MCPH1: variants seen among roughly 807,000 people sequenced by gnomAD.
MCPH1 encodes microcephalin 1, also known as microcephalin.
In MCPH1, 104 loss-of-function variants were observed where a neutral mutation model predicts 84.5. The observed-to-expected ratio is 1.23, with a 90% CI of 1.05 to 1.45. The LOEUF (loss-of-function observed/expected upper bound fraction) is 1.45, where lower values mean the gene tolerates loss of function less well. Ranked by LOEUF, MCPH1 falls within the 40% of genes most tolerant of loss-of-function variation. The probability of loss-of-function intolerance (pLI) is 0.00; values close to 1 mark genes in which losing one functional copy is unlikely to be tolerated. For synonymous variants in MCPH1, 514 were observed against 366.8 expected, an observed-to-expected ratio of 1.40 and a Z score of -4.58; for missense variants, 1,498 against 1,005.7, an observed-to-expected ratio of 1.49 and a Z score of -6.62.
intron 9 of MCPH1, among the ~76,000 whole-genome samples, chr8:6,461,160 G>C (rs770195492): frequency 4.0e-5 from 6 of 151,814 alleles, no homozygotes; most frequent in Non-Finnish European, 8.8e-5. Context: ...AAAAAACCAT[G>C]ATTCCATGAA....
intron 12 of MCPH1, among the ~76,000 whole-genome samples, chr8:6,520,183 ATACT>A (rs929443659): frequency 2.0e-4 from 31 of 152,258 alleles, no homozygotes; most frequent in African/African-American, 7.5e-4. Context: ...CAAAAGATTA[ATACT>A]TACTTTTTGG....
At chr8:6,417,641 T>G (rs1799505820) in intron 3 of MCPH1, among the ~76,000 whole-genome samples, 1 of 152,222 alleles carries the variant, frequency 6.6e-6, no homozygotes, top group Admixed American at 6.5e-5. Flanking sequence ...TTCTAGTTGG[T>G]TTTTGTATAC....
chr8:6,580,522 G>A (rs1157082324), intron 12 of MCPH1, among the ~76,000 whole-genome samples: 1 of 152,166 alleles, frequency 6.6e-6, no homozygotes, highest in African/African-American at 2.4e-5. Flanking sequence ...GGGCATGGTG[G>A]CGTGTTCCTG....
intron 3 of MCPH1, among the ~76,000 whole-genome samples, chr8:6,431,257 A>G (rs548034100): frequency 9.2e-5 from 14 of 152,332 alleles, no homozygotes; most frequent in East Asian, 3.9e-4. Context: ...ATTGTTGTGT[A>G]AAAATTGTAC....
rs1330814375 is a variant in MCPH1, at chr8:6,505,448, C to CAT, written c.2214+5523_2214+5524dup. On this transcript the variant is annotated intron_variant, in intron 12 of 13. Coordinates refer to ENST00000344683, the MANE Select transcript of MCPH1 (RefSeq NM_024596.5). ...AAAGAATATATATATTCTTTATATACATATAGAATATATATATTCTTTACA... is the reference window on the plus strand; with the variant it reads ...AAAGAATATATATATTCTTTATATACATATATAGAATATATATATTCTTTACA... 2.8e-5 allele frequency among the ~76,000 whole-genome samples: 2 copies of CAT among 70,256 alleles called. 1 individual carries two copies. Among genetic ancestry groups the CAT allele is most frequent in the African/African-American group, 1.0e-4 (2 of 19,600 alleles). 46.1% of individuals were successfully genotyped at this position (70,256 alleles called of 152,430 possible). A position where few individuals can be genotyped will look rare whatever the true frequency, so the allele number is the denominator to read the frequency against.
At chr8:6,421,718 G>A (rs1156283365) in intron 3 of MCPH1, among the ~76,000 whole-genome samples, 2 of 152,078 alleles carry the variant, frequency 1.3e-5, no homozygotes, top group South Asian at 2.1e-4. Flanking sequence ...GAGACCTTAC[G>A]GCCCACGAAG....
At chr8:6,556,329 C>T (rs1824600608) in intron 12 of MCPH1, among the ~76,000 whole-genome samples, 2 of 152,060 alleles carry the variant, frequency 1.3e-5, no homozygotes, top group Admixed American at 1.3e-4. Flanking sequence ...GTATATTCTC[C>T]ATTTTTTGCA....
intron 12 of MCPH1, chr8:6,508,800 C>G (rs1011084239): frequency 1.1e-5 from 14 of 1,269,976 alleles, no homozygotes; most frequent in East Asian, 4.6e-5. Context: ...TTACCTATAT[C>G]AAGCTAGTGT....
Position 6,474,234 on chromosome 8 carries a change from A to G in MCPH1, c.1936-3360A>G, listed in dbSNP as rs935763552. 8 of 631,922 alleles carry G rather than the reference A, an allele frequency of 1.3e-5. No homozygotes were observed. In the Admixed American group the frequency reaches 1.5e-4, roughly 11 times the overall value. The allele number at this position is 631,922 out of a possible 1,614,324, so 39.1% of individuals were successfully genotyped here. A position where few individuals can be genotyped will look rare whatever the true frequency, so the allele number is the denominator to read the frequency against. Reference sequence around the variant, plus strand: ...TACTCTTCATCATAGTCGTCATACAATTGCTTTTCTCAAGCTAAATCACCC... The same window carrying G: ...TACTCTTCATCATAGTCGTCATACAGTTGCTTTTCTCAAGCTAAATCACCC... On this transcript the variant is annotated intron_variant, in intron 9 of 13. Coordinates refer to ENST00000344683, the MANE Select transcript of MCPH1 (RefSeq NM_024596.5).
At chr8:6,488,891 GT>G (rs1810253304) in intron 11 of MCPH1, among the ~76,000 whole-genome samples, 1 of 152,094 alleles carries the variant, frequency 6.6e-6, no homozygotes, top group Non-Finnish European at 1.5e-5. Flanking sequence ...TAGAGGGGGG[GT>G]TGATAGGTGG....
intron 12 of MCPH1, chr8:6,532,321 G>A (rs1241254403): frequency 2.5e-6 from 4 of 1,613,930 alleles, no homozygotes; most frequent in South Asian, 1.1e-5. Flanking sequence ...GCTTTATGTG[G>A]CATTACTTAC....
At chr8:6,519,973 G>C in intron 12 of MCPH1, 1 of 1,614,030 alleles carries the variant, frequency 6.2e-7, no homozygotes, top group Non-Finnish European at 8.5e-7. Context: ...TTCTTCTTTA[G>C]CAACAGTGGG....
chr8:6,517,810 C>T (rs762561204), intron 12 of MCPH1, among the ~76,000 whole-genome samples: 25 of 152,172 alleles, frequency 1.6e-4, no homozygotes, highest in Non-Finnish European at 2.6e-4. Context: ...ACATCCAAGT[C>T]TGTCTATCTC....
chr8:6,506,718 A>T (rs182145593), intron 12 of MCPH1, among the ~76,000 whole-genome samples: 130 of 152,068 alleles, frequency 8.5e-4, no homozygotes, highest in Non-Finnish European at 7.4e-4. Context: ...TAATGGTGTA[A>T]CATAGGGAGG....
At chr8:6,553,974 G>C (rs535404566) in intron 12 of MCPH1, among the ~76,000 whole-genome samples, 3 of 151,968 alleles carry the variant, frequency 2.0e-5, no homozygotes, top group Admixed American at 1.3e-4. Flanking sequence ...TGTCCAGTTG[G>C]ATACTGTTAG....
chr8:6,474,191 T>C, intron 9 of MCPH1: 1 of 715,794 alleles, frequency 1.4e-6, no homozygotes, highest in Non-Finnish European at 2.6e-6. Context: ...TCTGTCTTCA[T>C]CTAAAATGGG....
chr8:6,533,211 CT>C (rs1194363120), intron 12 of MCPH1, among the ~76,000 whole-genome samples: 3 of 152,200 alleles, frequency 2.0e-5, no homozygotes, highest in Non-Finnish European at 4.4e-5. Flanking sequence ...CCCTCAGTTA[CT>C]AAAGATGATG....
intron 4 of MCPH1, among the ~76,000 whole-genome samples, chr8:6,432,318 G>A (rs1199553580): frequency 6.6e-6 from 1 of 152,162 alleles, no homozygotes; most frequent in Non-Finnish European, 1.5e-5. Flanking sequence ...CTAATACAAT[G>A]TGAATGCTTT....
intron 9 of MCPH1, among the ~76,000 whole-genome samples, chr8:6,470,952 C>A (rs989997976): frequency 1.6e-4 from 24 of 152,358 alleles, no homozygotes; most frequent in African/African-American, 5.8e-4. Flanking sequence ...TTTGCTCATA[C>A]CATTCCAAAG....
Sources: allele counts gnomAD v4.1 joint callset (sites outside exome capture counted in the v4.1 genomes callset), GRCh38; gene constraint gnomAD v4.1.1; transcripts MANE v1.5; gene names NCBI Gene and HGNC (gene_info 2026-07-23, HGNC 2026-07-21).